PPIG: variants seen among roughly 807,000 people sequenced by gnomAD.
The protein encoded by PPIG is peptidylprolyl isomerase G.
In PPIG, 26 loss-of-function variants were observed where a neutral mutation model predicts 87.9. The ratio of observed to expected loss-of-function variants is 0.30; its 90% CI spans 0.22 to 0.41. The LOEUF (loss-of-function observed/expected upper bound fraction) is 0.41. PPIG is among the 10% of genes least tolerant of loss of function. PPIG has a pLI of 1.00. For synonymous variants in PPIG, 308 were observed against 276.5 expected (o/e 1.11, Z -1.13); for missense variants, 722 against 879.4 (o/e 0.82, Z 2.26).
At chr2:169,615,071 CAG>C (rs775402578) in intron 9 of PPIG, among the ~76,000 whole-genome samples, 29 of 151,776 alleles carry the variant, frequency 1.9e-4, no homozygotes, top group East Asian at 3.9e-4. Context: ...TGTTTTGAGA[CAG>C]AGTCTCACTC....
chr2:169,589,376 T>C (rs1162309658), intron 1 of PPIG, among the ~76,000 whole-genome samples: 5 of 152,198 alleles, frequency 3.3e-5, no homozygotes, highest in Non-Finnish European at 7.3e-5. Flanking sequence ...CATTTGTAAA[T>C]ATACTCAAAT....
At chr2:169,635,840 C>G (rs1686164460) in intron 12 of PPIG, among the ~76,000 whole-genome samples, 1 of 152,150 alleles carries the variant, frequency 6.6e-6, no homozygotes, top group Admixed American at 6.5e-5. Flanking sequence ...TTAAGTTTCT[C>G]TGCCTCATTG....
chr2:169,586,782 A>G (rs1379883528), intron 1 of PPIG, among the ~76,000 whole-genome samples: 2 of 152,170 alleles, frequency 1.3e-5, no homozygotes, highest in Non-Finnish European at 2.9e-5. Context: ...TTATAAATAG[A>G]GTATTTAAAC....
chr2:169,606,739 T>C (rs889087446), intron 5 of PPIG, among the ~76,000 whole-genome samples: 5 of 152,114 alleles, frequency 3.3e-5, no homozygotes, highest in African/African-American at 9.7e-5. Flanking sequence ...TCACAAGTGG[T>C]AATCCTTACT....
intron 1 of PPIG, among the ~76,000 whole-genome samples, chr2:169,596,129 G>T (rs987934301): frequency 1.5e-5 from 2 of 131,852 alleles, no homozygotes; most frequent in African/African-American, 5.8e-5. Flanking sequence ...TTGAGACGGA[G>T]TCTCACTCTT....
chr2:169,608,542 A>G, intron 6 of PPIG, 129 bp from the exon 7 acceptor site: 1 of 526,700 alleles, frequency 1.9e-6, no homozygotes, highest in South Asian at 2.4e-5. Flanking sequence ...CTTCTTTCAT[A>G]ACCTAACTTT....
intron 7 of PPIG, among the ~76,000 whole-genome samples, chr2:169,609,736 A>T (rs142508133): frequency 0.014 from 2,157 of 152,306 alleles, 10 homozygotes; most frequent in Middle Eastern, 0.041. Flanking sequence ...CAACTAATAA[A>T]TTTAAACGGA....
intron 1 of PPIG, among the ~76,000 whole-genome samples, chr2:169,588,524 C>A (rs1178829731): frequency 6.6e-6 from 1 of 152,070 alleles, no homozygotes; most frequent in Non-Finnish European, 1.5e-5. Context: ...CCTTGAAACT[C>A]CAAATGTTCT....
chr2:169,592,149 G>C (rs1205443526), intron 1 of PPIG, among the ~76,000 whole-genome samples: 1 of 149,760 alleles, frequency 6.7e-6, no homozygotes. Context: ...GCTGGTCATG[G>C]ATATTTTATT....
chr2:169,623,124 G>C (rs1685800532), intron 9 of PPIG, among the ~76,000 whole-genome samples: 1 of 152,058 alleles, frequency 6.6e-6, no homozygotes, highest in African/African-American at 2.4e-5. Context: ...CAAAGTCAAG[G>C]AGAAAAACCT....
Position 169,607,155 on chromosome 2 carries a change from A to G in PPIG, c.289+7A>G. ...TATGGAGGATTTTTTGAAGGTAAAA[A>G]TGTTTACATTTATATTATGTTTTAA... On this transcript the variant is annotated splice_region_variant and intron_variant, in intron 6 of 13. Transcript: ENST00000260970. 1.3e-6 allele frequency: 2 copies of G among 1,498,222 alleles called. No individual in the cohort carries two copies. The highest frequency in any genetic ancestry group is 1.8e-6 in the Non-Finnish European group (2 of 1,083,168). The allele number at this position is 1,498,222 out of a possible 1,614,324, so 92.8% of individuals were successfully genotyped here. A position where few individuals can be genotyped will look rare whatever the true frequency, so the allele number is the denominator to read the frequency against.
intron 1 of PPIG, among the ~76,000 whole-genome samples, chr2:169,593,386 G>C (rs1684921818): frequency 6.6e-6 from 1 of 151,444 alleles, no homozygotes; most frequent in African/African-American, 2.4e-5. Context: ...AGTAGAGATG[G>C]GGTTTCACCA....
chr2:169,610,492 A>AT (rs1685455896), intron 7 of PPIG, among the ~76,000 whole-genome samples: 1 of 145,776 alleles, frequency 6.9e-6, no homozygotes, highest in African/African-American at 2.5e-5. Context: ...TTTTTTTTGC[A>AT]TTTTTTTAAG....
At chr2:169,610,561 C>G (rs1325818184) in intron 7 of PPIG, among the ~76,000 whole-genome samples, 1 of 151,914 alleles carries the variant, frequency 6.6e-6, no homozygotes, top group Non-Finnish European at 1.5e-5. Flanking sequence ...AAGTGTCTCT[C>G]CCACCCAACC....
At chr2:169,628,144 A>AGGT (rs1685943246) in intron 9 of PPIG, among the ~76,000 whole-genome samples, 1 of 152,142 alleles carries the variant, frequency 6.6e-6, no homozygotes, top group South Asian at 2.1e-4. Context: ...CCAGGCACTA[A>AGGT]GATTACTTAC....
chr2:169,632,855 C>A (rs560330263), intron 11 of PPIG, among the ~76,000 whole-genome samples: 2 of 151,678 alleles, frequency 1.3e-5, no homozygotes, highest in African/African-American at 4.8e-5. Context: ...TAATAAAATT[C>A]TTGGCCAGGC....
chr2:169,612,158 G>A (rs1304855569), intron 7 of PPIG, among the ~76,000 whole-genome samples: 2 of 152,054 alleles, frequency 1.3e-5, no homozygotes, highest in Non-Finnish European at 2.9e-5. Flanking sequence ...TGTATTCACA[G>A]TGTTGTACAA....
intron 1 of PPIG, among the ~76,000 whole-genome samples, chr2:169,595,407 T>TA (rs767674877): frequency 1.8e-4 from 28 of 152,252 alleles, no homozygotes; most frequent in Non-Finnish European, 2.9e-4. Flanking sequence ...TCCTTTTTGT[T>TA]ACAAACAATC....
chr2:169,632,467 C>T (rs6433129), intron 11 of PPIG, among the ~76,000 whole-genome samples: 90,578 of 151,896 alleles, frequency 0.6, 27,651 homozygotes, highest in African/African-American at 0.73. Context: ...CCAGGCTGGG[C>T]GCAGTGGCTC....
Sources: gnomAD v4.1 joint callset for allele counts (sites outside exome capture counted in the v4.1 genomes callset) on GRCh38, gnomAD v4.1.1 for gene constraint, MANE v1.5 for transcripts, NCBI Gene and HGNC (gene_info 2026-07-23, HGNC 2026-07-21) for gene names.